CA10: variants seen among roughly 807,000 people sequenced by gnomAD.
CA10 encodes carbonic anhydrase-related protein 10.
CA10 carries 14 observed loss-of-function variants against 44.2 expected under a neutral mutation model. The observed-to-expected ratio is 0.32, with a 90% CI of 0.21 to 0.50. The LOEUF (loss-of-function observed/expected upper bound fraction) is 0.50, where lower values mean the gene tolerates loss of function less well. CA10 is among the 20% of genes least tolerant of loss of function. The probability of loss-of-function intolerance (pLI) is 0.99; values close to 1 mark genes in which losing one functional copy is unlikely to be tolerated. For synonymous variants in CA10, 159 were observed against 141.6 expected, an observed-to-expected ratio of 1.12 and a Z score of -0.87; for missense variants, 350 against 409.7, an observed-to-expected ratio of 0.85 and a Z score of 1.26.
At chr17:52,127,194 T>C (rs1448449135) in intron 1 of CA10, among the ~76,000 whole-genome samples, 1 of 152,224 alleles carries the variant, frequency 6.6e-6, no homozygotes, top group East Asian at 1.9e-4. Context: ...ATATGGATTT[T>C]ACATAAATAG....
chr17:52,077,386 C>A (rs144338200), intron 1 of CA10, among the ~76,000 whole-genome samples: 3 of 152,036 alleles, frequency 2.0e-5, no homozygotes, highest in African/African-American at 7.3e-5. Flanking sequence ...CCATAAAGGG[C>A]GACATAATAC....
intron 3 of CA10, among the ~76,000 whole-genome samples, chr17:51,831,702 G>GCAGCAT (rs1908271680): frequency 1.1e-5 from 1 of 91,982 alleles, no homozygotes; most frequent in African/African-American, 3.5e-5. Flanking sequence ...AGCAGCAGCA[G>GCAGCAT]CAGCAGCAGC....
At chr17:52,107,543 T>G (rs900427113) in intron 1 of CA10, among the ~76,000 whole-genome samples, 2 of 152,216 alleles carry the variant, frequency 1.3e-5, no homozygotes, top group African/African-American at 4.8e-5. Context: ...GTAACATTTT[T>G]ATTATCTAGA....
rs138593344 is a variant in CA10, at chr17:52,120,664, C to G, written c.61+37062G>C. Reference sequence around the variant, plus strand: ...TGGGGGAACCTGCACAGGGTCTTGCCTGGGCATGCCCACAAGGGACTGGTG... The same window carrying G: ...TGGGGGAACCTGCACAGGGTCTTGCGTGGGCATGCCCACAAGGGACTGGTG... On this transcript the variant is annotated intron_variant, in intron 1 of 8. Transcript: ENST00000451037. Among the ~76,000 whole-genome samples the G allele has an allele frequency of 5.8e-3, 880 of 152,254 alleles. 7 individuals carry two copies. Among genetic ancestry groups the G allele is most frequent in the Middle Eastern group, 0.01 (3 of 294 alleles).
intron 4 of CA10, among the ~76,000 whole-genome samples, chr17:51,655,437 A>T (rs1913755848): frequency 6.6e-6 from 1 of 152,256 alleles, no homozygotes; most frequent in Non-Finnish European, 1.5e-5. Context: ...AATTGCATTA[A>T]AAAAGGTGAA....
At chr17:51,673,840 G>A (rs952908598) in intron 4 of CA10, among the ~76,000 whole-genome samples, 1 of 152,156 alleles carries the variant, frequency 6.6e-6, no homozygotes, top group African/African-American at 2.4e-5. Context: ...GGCCCACCAT[G>A]ACCTCCAGCT....
At chr17:51,868,261 AG>A (rs1231322193) in intron 3 of CA10, among the ~76,000 whole-genome samples, 3 of 152,200 alleles carry the variant, frequency 2.0e-5, no homozygotes, top group South Asian at 2.1e-4. Context: ...GGGAATTTAA[AG>A]GGTTTTACAC....
intron 2 of CA10, among the ~76,000 whole-genome samples, chr17:51,944,989 A>T (rs1408218963): frequency 1.3e-5 from 2 of 152,180 alleles, no homozygotes; most frequent in African/African-American, 4.8e-5. Context: ...GGGTAGACCC[A>T]GGAATAACAT....
chr17:51,930,464 C>A (rs756137407), intron 3 of CA10, among the ~76,000 whole-genome samples: 1 of 152,106 alleles, frequency 6.6e-6, no homozygotes, highest in Non-Finnish European at 1.5e-5. Flanking sequence ...AATCACAAAG[C>A]CCAGCTCAGC....
chr17:51,631,820 A>G (rs1912594362), intron 8 of CA10, among the ~76,000 whole-genome samples: 1 of 152,218 alleles, frequency 6.6e-6, no homozygotes, highest in African/African-American at 2.4e-5. Flanking sequence ...TAGCTGCCAT[A>G]TGTGGCTACT....
intron 3 of CA10, among the ~76,000 whole-genome samples, chr17:51,750,297 G>C (rs1237879476): frequency 6.6e-6 from 1 of 151,958 alleles, no homozygotes; most frequent in Non-Finnish European, 1.5e-5. Context: ...ATAATTTAAT[G>C]AGATTTTATA....
intron 3 of CA10, among the ~76,000 whole-genome samples, chr17:51,877,837 A>G (rs1338139015): frequency 1.3e-5 from 2 of 152,112 alleles, no homozygotes; most frequent in African/African-American, 2.4e-5. Context: ...AGAGAGGTAA[A>G]GAGGTATAAA....
At chr17:51,778,413 G>T (rs1905914503) in intron 3 of CA10, among the ~76,000 whole-genome samples, 1 of 152,144 alleles carries the variant, frequency 6.6e-6, no homozygotes, top group Non-Finnish European at 1.5e-5. Context: ...CTGTAAGCTT[G>T]CTCAGGGGCA....
intron 3 of CA10, among the ~76,000 whole-genome samples, chr17:51,851,310 A>C (rs1978784291): frequency 6.6e-6 from 1 of 152,204 alleles, no homozygotes. Flanking sequence ...TGTTCAACAC[A>C]GCGGCCCTGC....
chr17:52,075,152 T>C (rs1036583419), intron 1 of CA10, among the ~76,000 whole-genome samples: 3 of 152,024 alleles, frequency 2.0e-5, no homozygotes, highest in African/African-American at 7.2e-5. Flanking sequence ...ATCAATATAA[T>C]CAATATAGTG....
intron 1 of CA10, among the ~76,000 whole-genome samples, chr17:52,082,385 T>C (rs1988006783): frequency 6.6e-6 from 1 of 152,252 alleles, no homozygotes. Flanking sequence ...AGAGGGTAAC[T>C]ATAATTTTGC....
At position 51,978,167 on chromosome 17, in the gene CA10, A is replaced by C. The variant is rs1450811745; in HGVS notation, c.137-47035T>G. ...AAGCCTTGTATTTTTAACAGAAACA[A>C]ATGGATTCTAAAGTTTATATAATAA... On this transcript the variant is annotated intron_variant, in intron 2 of 8. Transcript: ENST00000451037. Among the ~76,000 whole-genome samples the C allele has an allele frequency of 2.0e-5, 3 of 152,140 alleles. No homozygotes were observed. In the East Asian group the frequency reaches 5.8e-4, roughly 29 times the overall value.
chr17:52,059,971 G>C (rs1987337905), intron 2 of CA10, among the ~76,000 whole-genome samples: 1 of 152,110 alleles, frequency 6.6e-6, no homozygotes, highest in African/African-American at 2.4e-5. Context: ...CTGGTTCTAG[G>C]TCCAACTCCA....
At chr17:51,869,197 G>C (rs1373334074) in intron 3 of CA10, among the ~76,000 whole-genome samples, 2 of 152,080 alleles carry the variant, frequency 1.3e-5, no homozygotes, top group African/African-American at 4.8e-5. Flanking sequence ...AGATTAAGAA[G>C]TTCATCTCTA....
Sources: gnomAD v4.1 joint callset for allele counts (sites outside exome capture counted in the v4.1 genomes callset) on GRCh38, gnomAD v4.1.1 for gene constraint, MANE v1.5 for transcripts, NCBI Gene and HGNC (gene_info 2026-07-23, HGNC 2026-07-21) for gene names.